PIBF1: variants seen among roughly 807,000 people sequenced by gnomAD.
PIBF1 encodes the protein progesterone immunomodulatory binding factor 1, also known as progesterone-induced-blocking factor 1.
In PIBF1, 90 loss-of-function variants were observed where a neutral mutation model predicts 112.5. The ratio of observed to expected loss-of-function variants is 0.80; its 90% CI spans 0.67 to 0.95. The LOEUF is 0.95. PIBF1 is among the 40% of genes least tolerant of loss of function. PIBF1 has a pLI of 0.00. For synonymous variants in PIBF1, 301 were observed against 288.6 expected, an observed-to-expected ratio of 1.04 and a Z score of -0.44; for missense variants, 915 against 852.3, an observed-to-expected ratio of 1.07 and a Z score of -0.92.
chr13:72,926,965 A>G (rs1476603436), intron 13 of PIBF1, among the ~76,000 whole-genome samples: 3 of 152,192 alleles, frequency 2.0e-5, no homozygotes, highest in African/African-American at 7.2e-5. Flanking sequence ...GGAAGTGTTC[A>G]TGAATATTTT....
Position 72,795,447 on chromosome 13 carries a change from A to G in PIBF1, c.442A>G (p.Lys148Glu). The G allele has an allele frequency of 6.2e-7, 1 of 1,609,448 alleles. No individual in the cohort carries two copies. Among genetic ancestry groups the G allele is most frequent in the South Asian group, 1.1e-5 (1 of 89,972 alleles). ...LEETNLQLREKAGDVRRNLRD... is the reference protein window; with the variant it reads ...LEETNLQLREEAGDVRRNLRD... ...AGAGACAAATCTTCAGCTAAGAGAAAAAGCTGGAGATGTTCGTCGAAACCT... is the reference window on the plus strand; with the variant it reads ...AGAGACAAATCTTCAGCTAAGAGAAGAAGCTGGAGATGTTCGTCGAAACCT... Residue 148 changes from lysine to glutamate, a missense_variant, in exon 4 of 18, where the codon AAA (lysine) becomes GAA (glutamate). Lys to Glu is a moderately conservative substitution (Grantham distance 56). Coordinates refer to ENST00000326291, the MANE Select transcript of PIBF1 (RefSeq NM_006346.4).
intron 11 of PIBF1, among the ~76,000 whole-genome samples, chr13:72,896,089 A>G (rs2040271348): frequency 6.6e-6 from 1 of 152,164 alleles, no homozygotes; most frequent in Non-Finnish European, 1.5e-5. Flanking sequence ...AGGTGCTGGT[A>G]TCCATGATGG....
At chr13:72,870,325 C>G (rs1359069241) in intron 10 of PIBF1, among the ~76,000 whole-genome samples, 2 of 151,966 alleles carry the variant, frequency 1.3e-5, no homozygotes, top group African/African-American at 2.4e-5. Context: ...AAATGAGAGC[C>G]AACATTATGA....
chr13:72,784,288 A>AC (rs2034471430), intron 2 of PIBF1, among the ~76,000 whole-genome samples: 1 of 150,722 alleles, frequency 6.6e-6, no homozygotes, highest in Admixed American at 6.6e-5. Flanking sequence ...AAAAAAAAAA[A>AC]AAAAAAAATT....
rs35219701 is a variant in PIBF1, at chr13:72,809,132, C to CTTTTTTT, written c.672+11123_672+11129dup. ...CACCACTTGGGGGCAGTATATGTCC[C>CTTTTTTT]TTTTTTTTTTTTTTTTTTTTTTTAA... On this transcript the variant is annotated intron_variant, in intron 5 of 17. Coordinates refer to ENST00000326291, the MANE Select transcript of PIBF1 (RefSeq NM_006346.4). Among the ~76,000 whole-genome samples, 90 of 74,828 alleles carry CTTTTTTT rather than the reference C, an allele frequency of 1.2e-3. 1 individual carries two copies. The highest frequency in any genetic ancestry group is 2.2e-3 in the African/African-American group (36 of 16,054). 49.1% of individuals were successfully genotyped at this position (74,828 alleles called of 152,430 possible).
chr13:72,988,130 A>C (rs1278579282), intron 16 of PIBF1, among the ~76,000 whole-genome samples: 1 of 151,390 alleles, frequency 6.6e-6, no homozygotes, highest in Non-Finnish European at 1.5e-5. Flanking sequence ...TAAAATGCTG[A>C]GATTACAGGC....
intron 5 of PIBF1, among the ~76,000 whole-genome samples, chr13:72,814,435 CAAA>C (rs547722918): frequency 6.8e-5 from 5 of 73,132 alleles, no homozygotes; most frequent in Non-Finnish European, 8.1e-5. Flanking sequence ...GACTTCGTCT[CAAA>C]AAAAAAAAAA....
At chr13:72,901,486 C>T (rs969653687) in intron 11 of PIBF1, among the ~76,000 whole-genome samples, 19 of 152,028 alleles carry the variant, frequency 1.2e-4, no homozygotes, top group African/African-American at 3.1e-4. Flanking sequence ...GACAGGAGTT[C>T]GAGATCAGCC....
At chr13:72,838,714 TTAGG>T (rs1197291177) in intron 9 of PIBF1, among the ~76,000 whole-genome samples, 5 of 152,158 alleles carry the variant, frequency 3.3e-5, no homozygotes, top group Non-Finnish European at 7.3e-5. Context: ...TACCCCCAAG[TTAGG>T]TTTTCTATCT....
chr13:72,822,521 TTCA>T (rs764947497), intron 6 of PIBF1, among the ~76,000 whole-genome samples: 3 of 152,210 alleles, frequency 2.0e-5, no homozygotes, highest in Non-Finnish European at 4.4e-5. Context: ...GAGCCTAAGT[TTCA>T]TCATTTATGA....
intron 16 of PIBF1, among the ~76,000 whole-genome samples, chr13:72,992,135 G>A (rs983316885): frequency 2.0e-5 from 3 of 152,172 alleles, no homozygotes; most frequent in African/African-American, 4.8e-5. Flanking sequence ...TGAGGCTGCA[G>A]TGAGCTACAG....
intron 14 of PIBF1, among the ~76,000 whole-genome samples, chr13:72,960,530 A>T (rs1457714247): frequency 2.6e-5 from 4 of 152,232 alleles, no homozygotes; most frequent in Non-Finnish European, 4.4e-5. Context: ...TGCTGCTGTT[A>T]TGTTTTGTGC....
intron 11 of PIBF1, 55 bp from the exon 12 acceptor site, chr13:72,908,476 C>CTT: frequency 8.2e-7 from 1 of 1,220,542 alleles, no homozygotes; most frequent in Non-Finnish European, 1.1e-6. Context: ...ATGTTTTTGT[C>CTT]TTAACTGTGC....
chr13:73,002,062 G>T (rs1279273429), intron 17 of PIBF1, among the ~76,000 whole-genome samples: 1 of 152,154 alleles, frequency 6.6e-6, no homozygotes, highest in Non-Finnish European at 1.5e-5. Flanking sequence ...CAGAGTCATT[G>T]TTCAGGCACT....
intron 14 of PIBF1, among the ~76,000 whole-genome samples, chr13:72,933,117 G>A (rs1485801762): frequency 6.6e-6 from 1 of 152,112 alleles, no homozygotes; most frequent in East Asian, 1.9e-4. Context: ...ACAAACCTCT[G>A]TTTGCTAATA....
Position 72,855,048 on chromosome 13 carries a change from T to G in PIBF1, c.1322+893T>G. 1.3e-5 allele frequency among the ~76,000 whole-genome samples: 2 copies of G among 152,196 alleles called. 1 individual carries two copies. Among genetic ancestry groups the G allele is most frequent in the East Asian group, 3.9e-4 (2 of 5,194 alleles). The stretch of plus-strand genomic sequence containing the variant: ...GTAAACAGTGGCTACCTTATTTTTT[T>G]AACTTTTCATTTTAAAATTATTTCA... On this transcript the variant is annotated intron_variant, in intron 10 of 17. Transcript: ENST00000326291.
At chr13:72,785,173 G>A (rs1365293825) in intron 2 of PIBF1, among the ~76,000 whole-genome samples, 1 of 151,700 alleles carries the variant, frequency 6.6e-6, no homozygotes, top group East Asian at 1.9e-4. Context: ...AATTTTGAGG[G>A]GAGAAAAAAA....
chr13:72,999,072 T>C, intron 17 of PIBF1, 77 bp downstream of exon 17: 1 of 988,408 alleles, frequency 1.0e-6, no homozygotes, highest in Non-Finnish European at 1.5e-6. Flanking sequence ...TTTTTTCCTT[T>C]TACATTTATG....
chr13:72,831,928 C>G (rs1381103822), intron 8 of PIBF1, among the ~76,000 whole-genome samples: 1 of 152,038 alleles, frequency 6.6e-6, no homozygotes, highest in Non-Finnish European at 1.5e-5. Flanking sequence ...TCTGGGTGTT[C>G]CTGTAATGGG....
Sources: allele counts gnomAD v4.1 joint callset (sites outside exome capture counted in the v4.1 genomes callset), GRCh38; gene constraint gnomAD v4.1.1; transcripts MANE v1.5; gene names NCBI Gene and HGNC (gene_info 2026-07-23, HGNC 2026-07-21).